The following NPAS3 variants were observed in gnomAD, a reference collection of about 807,000 sequenced individuals.
The protein encoded by NPAS3 is neuronal PAS domain-containing protein 3.
In NPAS3, 14 loss-of-function variants were observed where a neutral mutation model predicts 73.1. The observed-to-expected ratio is 0.19, with a 90% confidence interval of 0.13 to 0.30. NPAS3 has a LOEUF of 0.30. NPAS3 is among the 10% of genes least tolerant of loss of function. The probability of loss-of-function intolerance (pLI) is 1.00; values close to 1 mark genes in which losing one functional copy is unlikely to be tolerated. For synonymous variants in NPAS3, 620 were observed against 541.5 expected, an observed-to-expected ratio of 1.14 and a Z score of -2.01; for missense variants, 1,096 against 1,250.0, an observed-to-expected ratio of 0.88 and a Z score of 1.86.
At chr14:33,649,891 A>G (rs2058941478) in intron 5 of NPAS3, among the ~76,000 whole-genome samples, 1 of 152,206 alleles carries the variant, frequency 6.6e-6, no homozygotes, top group Admixed American at 6.5e-5. Context: ...GAGTGGTTGT[A>G]GTGTGGAAGG....
At chr14:33,039,253 G>T (rs2040270985) in intron 1 of NPAS3, among the ~76,000 whole-genome samples, 1 of 152,142 alleles carries the variant, frequency 6.6e-6, no homozygotes, top group African/African-American at 2.4e-5. Flanking sequence ...ATTTTAATAA[G>T]TGGAGGAAAA....
intron 1 of NPAS3, among the ~76,000 whole-genome samples, chr14:33,017,424 G>C (rs938070133): frequency 2.0e-5 from 3 of 152,178 alleles, no homozygotes; most frequent in African/African-American, 7.2e-5. Flanking sequence ...TATTATGGTT[G>C]TGGGCATTTT....
chr14:33,174,851 G>C (rs1045349736), intron 2 of NPAS3, among the ~76,000 whole-genome samples: 1 of 152,154 alleles, frequency 6.6e-6, no homozygotes, highest in Non-Finnish European at 1.5e-5. Context: ...CAGCGATGGC[G>C]GGATTTGAAG....
intron 2 of NPAS3, among the ~76,000 whole-genome samples, chr14:33,064,738 G>T (rs990818958): frequency 5.3e-5 from 8 of 152,164 alleles, no homozygotes; most frequent in Non-Finnish European, 1.2e-4. Flanking sequence ...CAATGTTTTT[G>T]TAATTGTCCT....
At chr14:33,463,550 G>T (rs1316904820) in intron 4 of NPAS3, among the ~76,000 whole-genome samples, 1 of 152,032 alleles carries the variant, frequency 6.6e-6, no homozygotes, top group Non-Finnish European at 1.5e-5. Context: ...AGATTTCAAA[G>T]GTTTATAAAT....
intron 9 of NPAS3, among the ~76,000 whole-genome samples, chr14:33,782,274 G>A (rs1204431359): frequency 2.0e-5 from 3 of 152,136 alleles, no homozygotes; most frequent in African/African-American, 7.2e-5. Context: ...GTACTGGCTT[G>A]GGAGATGATC....
At chr14:33,464,178 A>G (rs2050402310) in intron 4 of NPAS3, among the ~76,000 whole-genome samples, 1 of 152,154 alleles carries the variant, frequency 6.6e-6, no homozygotes, top group Non-Finnish European at 1.5e-5. Flanking sequence ...TAATGCATTC[A>G]TTGCTTTTTG....
intron 2 of NPAS3, among the ~76,000 whole-genome samples, chr14:33,171,345 C>T (rs2045381108): frequency 6.6e-6 from 1 of 152,130 alleles, no homozygotes; most frequent in Admixed American, 6.5e-5. Flanking sequence ...CTTAATGGCC[C>T]TAGGATTTTC....
intron 3 of NPAS3, among the ~76,000 whole-genome samples, chr14:33,216,967 G>T (rs1280062385): frequency 6.6e-6 from 1 of 151,984 alleles, no homozygotes; most frequent in African/African-American, 2.4e-5. Context: ...GTTCTAGATT[G>T]TATTATGCTA....
intron 4 of NPAS3, among the ~76,000 whole-genome samples, chr14:33,374,183 T>C (rs1246022648): frequency 6.6e-6 from 1 of 152,184 alleles, no homozygotes; most frequent in Non-Finnish European, 1.5e-5. Context: ...CTCAGTGAGC[T>C]GTCAGATTTT....
intron 2 of NPAS3, among the ~76,000 whole-genome samples, chr14:33,116,193 A>G (rs2043059660): frequency 6.6e-6 from 1 of 152,144 alleles, no homozygotes; most frequent in Non-Finnish European, 1.5e-5. Flanking sequence ...AAGGGATTAT[A>G]TCTCCATATT....
intron 4 of NPAS3, among the ~76,000 whole-genome samples, chr14:33,546,703 A>C (rs188038234): frequency 6.6e-6 from 1 of 152,326 alleles, no homozygotes; most frequent in East Asian, 1.9e-4. Flanking sequence ...TTGCCTTTTG[A>C]AAACTGTGAA....
At position 32,973,748 on chromosome 14, in the gene NPAS3, G is replaced by C. The variant is rs111742373; in HGVS notation, c.50+34382G>C. Among the ~76,000 whole-genome samples the C allele has an allele frequency of 3.0e-3, 455 of 152,086 alleles. 2 individuals are homozygous for C. Among genetic ancestry groups the C allele is most frequent in the African/African-American group, 0.01 (427 of 41,488 alleles). The stretch of plus-strand genomic sequence containing the variant: ...GATGGGGTTTAGCCATGTTGGCCAG[G>C]CTGGTCTCAAACTCCTGAGCTCAAG... On this transcript the variant is annotated intron_variant, in intron 1 of 11. Transcript: ENST00000356141.
chr14:33,543,542 A>C (rs1043552148), intron 4 of NPAS3, among the ~76,000 whole-genome samples: 1 of 152,104 alleles, frequency 6.6e-6, no homozygotes, highest in Non-Finnish European at 1.5e-5. Context: ...TGAGGGAAAG[A>C]GTGGCCCAGG....
chr14:33,000,570 C>G (rs879832786), intron 1 of NPAS3, among the ~76,000 whole-genome samples: 1 of 151,930 alleles, frequency 6.6e-6, no homozygotes, highest in East Asian at 1.9e-4. Context: ...GCACTGACAG[C>G]GTAGGGCAAT....
chr14:33,776,964 C>G, intron 8 of NPAS3, among the ~76,000 whole-genome samples: 1 of 152,192 alleles, frequency 6.6e-6, no homozygotes, highest in Non-Finnish European at 1.5e-5. Flanking sequence ...AAAGAATAAA[C>G]TAAAGAAATG....
At chr14:33,195,303 C>T (rs1206704921) in intron 2 of NPAS3, among the ~76,000 whole-genome samples, 1 of 151,626 alleles carries the variant, frequency 6.6e-6, no homozygotes, top group Non-Finnish European at 1.5e-5. Context: ...TTGAGTCTTG[C>T]TCTGTCACCT....
intron 4 of NPAS3, among the ~76,000 whole-genome samples, chr14:33,476,812 G>C (rs2139667024): frequency 6.6e-6 from 1 of 152,194 alleles, no homozygotes; most frequent in Admixed American, 6.5e-5. Flanking sequence ...TTGGTAGTTT[G>C]CCTGCTGTGC....
At chr14:33,121,218 G>A (rs1373154600) in intron 2 of NPAS3, among the ~76,000 whole-genome samples, 1 of 152,072 alleles carries the variant, frequency 6.6e-6, no homozygotes, top group Non-Finnish European at 1.5e-5. Flanking sequence ...ATGGCCTTGC[G>A]ATGCTACTTC....
Sources: gnomAD v4.1 joint callset for allele counts (sites outside exome capture counted in the v4.1 genomes callset) on GRCh38, gnomAD v4.1.1 for gene constraint, MANE v1.5 for transcripts, NCBI Gene and HGNC (gene_info 2026-07-23, HGNC 2026-07-21) for gene names.